Variants in MEF2A observed in about 807,000 individuals in gnomAD.
The protein encoded by MEF2A is myocyte-specific enhancer factor 2A.
In MEF2A, 28 loss-of-function variants were observed where a neutral mutation model predicts 55.8. The observed-to-expected ratio is 0.50, with a 90% CI of 0.37 to 0.69. The LOEUF is 0.69. Among genes scored for constraint, MEF2A ranks in the 30% least tolerant of loss-of-function variants. The pLI is 0.00. For synonymous variants in MEF2A, 239 were observed against 227.1 expected, an observed-to-expected ratio of 1.05 and a Z score of -0.47; for missense variants, 528 against 626.2, an observed-to-expected ratio of 0.84 and a Z score of 1.67.
chr15:99,673,519 C>G (rs1014271716), intron 5 of MEF2A, among the ~76,000 whole-genome samples: 1 of 152,040 alleles, frequency 6.6e-6, no homozygotes, highest in African/African-American at 2.4e-5. Flanking sequence ...GTATGTTAGT[C>G]TTTTAAAATG....
rs1209972468 is a variant in MEF2A at position 99,715,270 on chromosome 15, TAGG to T, written c.*2502_*2504del. 1 of 152,240 alleles carries T rather than the reference TAGG, an allele frequency of 6.6e-6. No homozygotes were observed. Among genetic ancestry groups the T allele is most frequent in the African/African-American group, 2.4e-5 (1 of 41,458 alleles). 9.4% of individuals were successfully genotyped at this position (152,240 alleles called of 1,614,324 possible). A position where few individuals can be genotyped will look rare whatever the true frequency, so the allele number is the denominator to read the frequency against. ...CATGAACTTCTGCTGTACATTGGAA[TAGG>T]AGTTAACACATTCACATTTACTGTC... On this transcript the variant is annotated 3_prime_UTR_variant, in exon 12 of 12. Transcript: ENST00000557942.
chr15:99,647,770 A>G (rs904887286), intron 4 of MEF2A, among the ~76,000 whole-genome samples: 17 of 152,198 alleles, frequency 1.1e-4, no homozygotes, highest in Non-Finnish European at 2.2e-4. Flanking sequence ...TCGTGTTAAT[A>G]GTTCCTTGTG....
chr15:99,681,790 G>C (rs1044623460), intron 7 of MEF2A: 2 of 152,012 alleles, frequency 1.3e-5, no homozygotes, highest in Non-Finnish European at 2.9e-5. Flanking sequence ...TTTTATTTTA[G>C]ACTAGTCAGG....
At chr15:99,602,455 T>C (rs1354108503) in intron 2 of MEF2A, among the ~76,000 whole-genome samples, 1 of 152,156 alleles carries the variant, frequency 6.6e-6, no homozygotes, top group Non-Finnish European at 1.5e-5. Flanking sequence ...GCTACCATTT[T>C]GCCTCTTAAT....
At chr15:99,658,007 ATC>A (rs1567346473) in intron 4 of MEF2A, among the ~76,000 whole-genome samples, 1 of 152,170 alleles carries the variant, frequency 6.6e-6, no homozygotes, top group Non-Finnish European at 1.5e-5. Flanking sequence ...TGTATCAGAA[ATC>A]TCTTTCAAAT....
intron 1 of MEF2A, among the ~76,000 whole-genome samples, 186 bp downstream of exon 1, chr15:99,566,290 C>T (rs1191288904): frequency 1.4e-5 from 2 of 147,294 alleles, no homozygotes; most frequent in African/African-American, 5.0e-5. Context: ...TTGGAGGGGG[C>T]CAGGGTCGCG....
intron 7 of MEF2A, among the ~76,000 whole-genome samples, chr15:99,677,468 G>A (rs897038602): frequency 6.6e-6 from 1 of 151,930 alleles, no homozygotes; most frequent in African/African-American, 2.4e-5. Context: ...AAACAGATTG[G>A]ACAAAGCAAA....
intron 4 of MEF2A, among the ~76,000 whole-genome samples, chr15:99,662,696 T>G (rs1373315766): frequency 6.6e-6 from 1 of 152,214 alleles, no homozygotes; most frequent in Non-Finnish European, 1.5e-5. Context: ...CAGGCTGGTT[T>G]CAAACTCCTG....
At chr15:99,638,641 A>AT (rs1372435721) in intron 3 of MEF2A, among the ~76,000 whole-genome samples, 2 of 151,488 alleles carry the variant, frequency 1.3e-5, no homozygotes, top group Non-Finnish European at 2.9e-5. Flanking sequence ...GAATTTTTTG[A>AT]TTTTTCATTT....
chr15:99,654,194 AT>A (rs2047305424), intron 4 of MEF2A, among the ~76,000 whole-genome samples: 1 of 152,146 alleles, frequency 6.6e-6, no homozygotes, highest in Non-Finnish European at 1.5e-5. Flanking sequence ...TGTTTTAGAT[AT>A]TTTGTGAAAG....
At chr15:99,567,474 A>G (rs1422828637) in intron 1 of MEF2A, among the ~76,000 whole-genome samples, 4 of 152,238 alleles carry the variant, frequency 2.6e-5, no homozygotes, top group Non-Finnish European at 4.4e-5. Flanking sequence ...CAGTTTTAGA[A>G]TCTGTGTTAC....
At chr15:99,630,530 A>C (rs1459810072) in intron 2 of MEF2A, among the ~76,000 whole-genome samples, 1 of 152,172 alleles carries the variant, frequency 6.6e-6, no homozygotes, top group Non-Finnish European at 1.5e-5. Context: ...ATCTACTGTG[A>C]ATCTGTTTCT....
chr15:99,632,852 T>C (rs909459565), intron 2 of MEF2A, 126 bp from the exon 3 acceptor site: 1 of 297,846 alleles, frequency 3.4e-6, no homozygotes, highest in Admixed American at 5.0e-5. Flanking sequence ...TTACTAATTT[T>C]GTATAACCAG....
chr15:99,589,866 T>C, intron 1 of MEF2A, among the ~76,000 whole-genome samples: 1 of 152,266 alleles, frequency 6.6e-6, no homozygotes, highest in Middle Eastern at 3.4e-3. Context: ...AAACAGTTTC[T>C]ATGTCATTTC....
In MEF2A at chr15:99,715,703, C is replaced by T. The variant is rs975098602; in HGVS notation, c.*2932C>T. The T allele has an allele frequency of 1.3e-5, 2 of 152,168 alleles. No individual in the cohort carries two copies. The highest frequency in any genetic ancestry group is 2.9e-5 in the Non-Finnish European group (2 of 68,036). 9.4% of individuals were successfully genotyped at this position (152,168 alleles called of 1,614,324 possible). On this transcript the variant is annotated 3_prime_UTR_variant, in exon 12 of 12. Transcript: ENST00000557942. ...AGACACCATTGCAAGAAAATTTTAT[C>T]CCTCCAGAAGTATTTTATTACTAAA...
intron 4 of MEF2A, among the ~76,000 whole-genome samples, chr15:99,655,330 G>A (rs1399973815): frequency 6.6e-6 from 1 of 152,048 alleles, no homozygotes; most frequent in East Asian, 1.9e-4. Context: ...AAAAAAATAA[G>A]CCTCAGTATT....
At chr15:99,680,831 TAC>T (rs1414281304) in intron 7 of MEF2A, among the ~76,000 whole-genome samples, 6 of 152,212 alleles carry the variant, frequency 3.9e-5, no homozygotes, top group African/African-American at 1.4e-4. Context: ...GCTGTATTAA[TAC>T]AGTTACCTCT....
At chr15:99,616,110 T>A (rs2040151320) in intron 2 of MEF2A, among the ~76,000 whole-genome samples, 1 of 152,078 alleles carries the variant, frequency 6.6e-6, no homozygotes, top group Non-Finnish European at 1.5e-5. Flanking sequence ...AAAAATTAGA[T>A]CTCAATGTTT....
Position 99,645,581 on chromosome 15 carries a change from G to A in MEF2A, c.75G>A (p.Lys25=), listed in dbSNP as rs772645830. 1.9e-6 allele frequency: 3 copies of A among 1,612,980 alleles called. No homozygotes were observed. In the Admixed American group the frequency reaches 5.0e-5, roughly 27 times the overall value. The part of the protein sequence containing the change: ...RNRQVTFTKR[K]FGLMKKAYEL... ...TTTAGGTCACTTTTACAAAGAGAAA[G>A]TTTGGATTAATGAAGAAAGCCTATG... is the stretch of plus-strand genomic sequence containing the variant. The change falls in exon 4 of 12, where the codon AAG becomes AAA. Residue 25 remains lysine, a synonymous_variant. Coordinates refer to ENST00000557942, the MANE Select transcript of MEF2A (RefSeq NM_001319206.4).
Sources: gnomAD v4.1 joint callset for allele counts (sites outside exome capture counted in the v4.1 genomes callset) on GRCh38, gnomAD v4.1.1 for gene constraint, MANE v1.5 for transcripts, NCBI Gene and HGNC (gene_info 2026-07-23, HGNC 2026-07-21) for gene names.